The following SIM1 variants were observed in gnomAD, a reference collection of about 807,000 sequenced individuals.
SIM1 encodes SIM bHLH transcription factor 1.
Under a neutral mutation model 78.2 loss-of-function variants are expected in SIM1, and 18 were observed. That is an observed-to-expected ratio of 0.23 (90% CI 0.16 to 0.34). The LOEUF (loss-of-function observed/expected upper bound fraction) is 0.34, where lower values mean the gene tolerates loss of function less well. SIM1 is among the 10% of genes least tolerant of loss of function. SIM1 has a pLI of 1.00. For synonymous variants in SIM1, 417 were observed against 385.2 expected (o/e 1.08, Z -0.97); for missense variants, 939 against 975.1 (o/e 0.96, Z 0.49).
chr6:100,447,231 C>T lies in SIM1; in HGVS notation c.998+37G>A, dbSNP rs551503243. 3.9e-5 allele frequency: 63 copies of T among 1,603,298 alleles called. 1 individual carries two copies. The South Asian group carries it at 6.2e-4, about 16-fold the overall frequency. Reference sequence around the variant, plus strand: ...CGCACTCTCGCAGAGAGCAGGGTCGCCTGGGGTGGGTGAAGGGGTCTCAGT... The same window carrying T: ...CGCACTCTCGCAGAGAGCAGGGTCGTCTGGGGTGGGTGAAGGGGTCTCAGT... On this transcript the variant is annotated intron_variant, in intron 9 of 11. Transcript: ENST00000369208.
chr6:100,410,299 C>G (rs1437002644), intron 10 of SIM1, among the ~76,000 whole-genome samples: 2 of 152,174 alleles, frequency 1.3e-5, no homozygotes, highest in South Asian at 2.1e-4. Context: ...TTCTCCTCCT[C>G]TCTTCTTTTA....
rs1169334058 is a variant in SIM1, at chr6:100,390,025, G to C, written c.*336C>G. On this transcript the variant is annotated 3_prime_UTR_variant, in exon 12 of 12. Coordinates refer to ENST00000369208, the MANE Select transcript of SIM1 (RefSeq NM_005068.3). ...ATAGTTTGTGTGTTTGAGGATCACT[G>C]GATAGTCACAATGCAATGTTGTCAT... is the stretch of plus-strand genomic sequence containing the variant. 1 of 398,096 alleles carries C rather than the reference G, an allele frequency of 2.5e-6. No individual in the cohort carries two copies. The highest frequency in any genetic ancestry group is 4.4e-6 in the Non-Finnish European group (1 of 225,168). 24.7% of individuals were successfully genotyped at this position (398,096 alleles called of 1,614,324 possible). A position where few individuals can be genotyped will look rare whatever the true frequency, so the allele number is the denominator to read the frequency against.
intron 9 of SIM1, among the ~76,000 whole-genome samples, chr6:100,433,537 T>C (rs1771954798): frequency 6.6e-6 from 1 of 152,204 alleles, no homozygotes; most frequent in Non-Finnish European, 1.5e-5. Flanking sequence ...TATGACTTTT[T>C]TATTTCTTTA....
chr6:100,445,060 G>A (rs911325094), intron 9 of SIM1, among the ~76,000 whole-genome samples: 7 of 152,128 alleles, frequency 4.6e-5, no homozygotes, highest in African/African-American at 1.7e-4. Flanking sequence ...AAATGTATGT[G>A]GTAGTTCACT....
At chr6:100,425,903 A>C (rs1274833005) in intron 9 of SIM1, among the ~76,000 whole-genome samples, 1 of 152,176 alleles carries the variant, frequency 6.6e-6, no homozygotes, top group Non-Finnish European at 1.5e-5. Flanking sequence ...AGTGTGGTAA[A>C]AAATTTGACT....
rs1770587659 is a variant in SIM1 at position 100,389,688 on chromosome 6, C to T, written c.*673G>A. 4 of 398,890 alleles carry T rather than the reference C, an allele frequency of 1.0e-5. No individual in the cohort carries two copies. The highest frequency in any genetic ancestry group is 4.4e-6 in the Non-Finnish European group (1 of 226,072). The allele number at this position is 398,890 out of a possible 1,614,324, so 24.7% of individuals were successfully genotyped here. A position where few individuals can be genotyped will look rare whatever the true frequency, so the allele number is the denominator to read the frequency against. Reference sequence around the variant, plus strand: ...ATGTCAGTGCAATCCTGGTCCTTGTCTAACTGAAAAGCAAGGTGAAAAATT... The same window carrying T: ...ATGTCAGTGCAATCCTGGTCCTTGTTTAACTGAAAAGCAAGGTGAAAAATT... On this transcript the variant is annotated 3_prime_UTR_variant, in exon 12 of 12. Transcript: ENST00000369208.
intron 10 of SIM1, among the ~76,000 whole-genome samples, chr6:100,406,089 G>A (rs1029803393): frequency 6.6e-6 from 1 of 152,094 alleles, no homozygotes; most frequent in Non-Finnish European, 1.5e-5. Context: ...TGGCATCCAC[G>A]GCTGTAAATG....
At chr6:100,392,667 C>T (rs1404479852) in intron 11 of SIM1, among the ~76,000 whole-genome samples, 1 of 152,216 alleles carries the variant, frequency 6.6e-6, no homozygotes. Flanking sequence ...TTGTCTAGCA[C>T]ATGTCTCATT....
At chr6:100,411,738 A>G (rs187676380) in intron 10 of SIM1, among the ~76,000 whole-genome samples, 1 of 152,312 alleles carries the variant, frequency 6.6e-6, no homozygotes, top group Admixed American at 6.5e-5. Flanking sequence ...GAGAGGAGAT[A>G]TGACATGTCT....
intron 3 of SIM1, among the ~76,000 whole-genome samples, chr6:100,452,871 A>G (rs181658083): frequency 6.6e-6 from 1 of 152,240 alleles, no homozygotes; most frequent in African/African-American, 2.4e-5. Flanking sequence ...GGAAGGAGAA[A>G]GGTATAGGGT....
intron 2 of SIM1, among the ~76,000 whole-genome samples, chr6:100,462,356 T>G (rs1772877336): frequency 1.3e-5 from 2 of 152,248 alleles, no homozygotes; most frequent in African/African-American, 2.4e-5. Flanking sequence ...TTTAAAAATC[T>G]GTTTGCATTA....
intron 10 of SIM1, among the ~76,000 whole-genome samples, chr6:100,399,949 A>G (rs541144305): frequency 6.6e-6 from 1 of 152,200 alleles, no homozygotes; most frequent in African/African-American, 2.4e-5. Context: ...AGAAACCAAG[A>G]GTTTGGATTA....
chr6:100,412,604 AAAGAAAG>A (rs1562239586), intron 10 of SIM1, among the ~76,000 whole-genome samples: 2 of 117,002 alleles, frequency 1.7e-5, no homozygotes, highest in African/African-American at 6.5e-5. Context: ...AGAAAGAAAG[AAAGAAAG>A]GAAAGAAAGA....
chr6:100,464,202 G>T (rs1366092515), intron 1 of SIM1, among the ~76,000 whole-genome samples: 8 of 152,172 alleles, frequency 5.3e-5, no homozygotes, highest in Admixed American at 5.2e-4. Flanking sequence ...GACCCGCAAG[G>T]GATCTTCCGC....
At chr6:100,464,458 A>G (rs556559885) in intron 1 of SIM1, among the ~76,000 whole-genome samples, 156 bp downstream of exon 1, 6 of 152,304 alleles carry the variant, frequency 3.9e-5, no homozygotes, top group African/African-American at 1.4e-4. Context: ...AGGGGCTGCA[A>G]CAAGCGGGGC....
Position 100,395,251 on chromosome 6 carries a change from TATTCCATATAC to T in SIM1, c.1168-1373_1168-1363del, listed in dbSNP as rs373155068. 3.6e-3 allele frequency among the ~76,000 whole-genome samples: 556 copies of T among 152,354 alleles called. 4 individuals carry two copies. The highest frequency in any genetic ancestry group is 0.013 in the African/African-American group (535 of 41,584). On this transcript the variant is annotated intron_variant, in intron 10 of 11. Coordinates refer to ENST00000369208, the MANE Select transcript of SIM1 (RefSeq NM_005068.3). ...TGAGAGCTTACTATGTGTCTGGCAA[TATTCCATATAC>T]ATTCCATATACATTTTGTCATTTAA...
rs770069371 is a variant in SIM1, at chr6:100,390,484, G to A, written c.2178C>T (p.Thr726=). The change falls in exon 12 of 12, where the codon ACC becomes ACT. Residue 726 remains threonine, a synonymous_variant. Coordinates refer to ENST00000369208, the MANE Select transcript of SIM1 (RefSeq NM_005068.3). ...TACAGCCCAAGGAATAGTTTCTAAT[G>A]GTTTCGCTGTCATATAAGTGCTCCA... ...YALEHLYDSE[T]IRNYSLGCNG... 5.0e-6 allele frequency: 8 copies of A among 1,614,126 alleles called. No homozygotes were observed. Among genetic ancestry groups the A allele is most frequent in the Middle Eastern group, 3.3e-4 (2 of 6,060 alleles).
rs920207175 is a variant in SIM1 at position 100,387,884 on chromosome 6, T to G, written c.*2477A>C. ...GTTCATTTTCCCTGGTTCTTAAGTT[T>G]CCATTTCTTTTAGCTTCTGTCCCTG... On this transcript the variant is annotated 3_prime_UTR_variant, in exon 12 of 12. Transcript: ENST00000369208. 2.0e-5 allele frequency: 3 copies of G among 152,220 alleles called. No homozygotes were observed. The highest frequency in any genetic ancestry group is 6.5e-5 in the Admixed American group (1 of 15,286). 9.4% of individuals were successfully genotyped at this position (152,220 alleles called of 1,614,324 possible).
At chr6:100,458,898 A>T (rs996873766) in intron 2 of SIM1, among the ~76,000 whole-genome samples, 1 of 152,252 alleles carries the variant, frequency 6.6e-6, no homozygotes, top group African/African-American at 2.4e-5. Flanking sequence ...CCCCTCCTCC[A>T]CACAAAATTT....
Sources: gnomAD v4.1 joint callset for allele counts (sites outside exome capture counted in the v4.1 genomes callset) on GRCh38, gnomAD v4.1.1 for gene constraint, MANE v1.5 for transcripts, NCBI Gene and HGNC (gene_info 2026-07-23, HGNC 2026-07-21) for gene names.